SH3RF1: variants seen among roughly 807,000 people sequenced by gnomAD.
SH3RF1 encodes E3 ubiquitin-protein ligase SH3RF1.
Under a neutral mutation model 74.0 loss-of-function variants are expected in SH3RF1, and 32 were observed. The observed-to-expected ratio is 0.43, with a 90% CI of 0.33 to 0.58. The LOEUF (loss-of-function observed/expected upper bound fraction) is 0.58. Among genes scored for constraint, SH3RF1 ranks in the 20% least tolerant of loss-of-function variants. SH3RF1 has a pLI of 0.05. For synonymous variants in SH3RF1, 396 were observed against 439.6 expected (o/e 0.90, Z 1.24); for missense variants, 954 against 1,130.9 (o/e 0.84, Z 2.24).
intron 6 of SH3RF1, among the ~76,000 whole-genome samples, chr4:169,123,478 A>T (rs1479476335): frequency 1.9e-4 from 29 of 152,262 alleles, no homozygotes; most frequent in Admixed American, 1.8e-3. Flanking sequence ...GTGCAGAAAC[A>T]AATGAGGTGC....
At chr4:169,262,504 T>C (rs911136534) in intron 2 of SH3RF1, among the ~76,000 whole-genome samples, 3 of 151,976 alleles carry the variant, frequency 2.0e-5, no homozygotes, top group Admixed American at 6.6e-5. Context: ...CCACCTCTAC[T>C]AAAAGTACAA....
intron 2 of SH3RF1, among the ~76,000 whole-genome samples, chr4:169,168,040 TA>T (rs1734275186): frequency 6.6e-6 from 1 of 152,102 alleles, no homozygotes; most frequent in African/African-American, 2.4e-5. Flanking sequence ...CTCAGGAGGC[TA>T]AGGTAGAAGG....
chr4:169,200,694 T>C (rs141631211), intron 2 of SH3RF1, among the ~76,000 whole-genome samples: 1 of 152,328 alleles, frequency 6.6e-6, no homozygotes, highest in East Asian at 1.9e-4. Flanking sequence ...GTGCTCCCTT[T>C]ACCATTTAAA....
chr4:169,233,297 G>C (rs866659270), intron 2 of SH3RF1, among the ~76,000 whole-genome samples: 3 of 149,698 alleles, frequency 2.0e-5, no homozygotes, highest in African/African-American at 7.4e-5. Context: ...AGAACAGTTG[G>C]TAAATGGGAT....
intron 2 of SH3RF1, among the ~76,000 whole-genome samples, chr4:169,165,615 C>G (rs1172114378): frequency 1.4e-5 from 2 of 147,616 alleles, no homozygotes; most frequent in African/African-American, 5.3e-5. Flanking sequence ...CAGAGCAAGA[C>G]TCTGTCTCAG....
At position 169,212,534 on chromosome 4, in the gene SH3RF1, C is replaced by G. The variant is rs573648910; in HGVS notation, c.394-55855G>C. On this transcript the variant is annotated intron_variant, in intron 2 of 11. Coordinates refer to ENST00000284637, the MANE Select transcript of SH3RF1 (RefSeq NM_020870.4). ...TCATAATTTCCTTCCATTTTTTTCC[C>G]TTTTAAAAAGACTCTTTTACAGCAG... Among the ~76,000 whole-genome samples, 9 of 151,862 alleles carry G rather than the reference C, an allele frequency of 5.9e-5. No homozygotes were observed. The South Asian group carries it at 1.9e-3, about 32-fold the overall frequency.
chr4:169,153,643 G>C (rs1240867773), intron 4 of SH3RF1, among the ~76,000 whole-genome samples: 1 of 152,126 alleles, frequency 6.6e-6, no homozygotes, highest in African/African-American at 2.4e-5. Context: ...GCTAAACTAG[G>C]TGTCACTAAT....
chr4:169,170,095 A>G (rs753304738), intron 2 of SH3RF1, among the ~76,000 whole-genome samples: 3 of 152,168 alleles, frequency 2.0e-5, no homozygotes, highest in African/African-American at 4.8e-5. Context: ...CTTCCAATTC[A>G]AATATACTGA....
At chr4:169,143,681 C>G (rs1454813689) in intron 4 of SH3RF1, among the ~76,000 whole-genome samples, 1 of 152,106 alleles carries the variant, frequency 6.6e-6, no homozygotes, top group African/African-American at 2.4e-5. Context: ...GGGAGGAACA[C>G]GGACTCCTAA....
chr4:169,148,580 A>G (rs1047701705), intron 4 of SH3RF1, among the ~76,000 whole-genome samples: 3 of 152,240 alleles, frequency 2.0e-5, no homozygotes, highest in Non-Finnish European at 2.9e-5. Context: ...CATTAAAAAT[A>G]TCCTTTACAT....
chr4:169,213,778 T>C (rs1163750739), intron 2 of SH3RF1, among the ~76,000 whole-genome samples: 2 of 152,260 alleles, frequency 1.3e-5, no homozygotes, highest in Non-Finnish European at 2.9e-5. Flanking sequence ...CACTGTCTTT[T>C]CTCCATTCTA....
intron 2 of SH3RF1, among the ~76,000 whole-genome samples, chr4:169,253,233 T>C (rs1270041792): frequency 6.6e-6 from 1 of 152,264 alleles, no homozygotes; most frequent in South Asian, 2.1e-4. Flanking sequence ...CTTCCTAGCA[T>C]GTTGCTTCTC....
At chr4:169,227,067 G>C (rs1730662481) in intron 2 of SH3RF1, among the ~76,000 whole-genome samples, 1 of 152,052 alleles carries the variant, frequency 6.6e-6, no homozygotes, top group Admixed American at 6.6e-5. Flanking sequence ...TCGGGAGGCT[G>C]AGGCAGGAGG....
intron 2 of SH3RF1, among the ~76,000 whole-genome samples, chr4:169,173,964 G>A (rs950717501): frequency 1.3e-5 from 2 of 151,024 alleles, no homozygotes; most frequent in Admixed American, 1.3e-4. Flanking sequence ...TTAAGGATAC[G>A]GCTAATGCTA....
Position 169,096,357 on chromosome 4 carries a change from T to A in SH3RF1, c.*162A>T, listed in dbSNP as rs2706747. 1.2e-5 allele frequency: 8 copies of A among 686,710 alleles called. No homozygotes were observed. In the Admixed American group the frequency reaches 2.5e-4, roughly 21 times the overall value. 42.5% of individuals were successfully genotyped at this position (686,710 alleles called of 1,614,324 possible). ...AAAACCCACACAAACATCTTCTTCA[T>A]TCTGCTCGCTGGGGTAACTGTGCTG... On this transcript the variant is annotated 3_prime_UTR_variant, in exon 12 of 12. Transcript: ENST00000284637.
At chr4:169,138,978 G>A (rs1733741044) in intron 4 of SH3RF1, among the ~76,000 whole-genome samples, 1 of 152,108 alleles carries the variant, frequency 6.6e-6, no homozygotes, top group South Asian at 2.1e-4. Flanking sequence ...GGGGGGAAAG[G>A]TCTCACTCTG....
chr4:169,148,307 CCT>C (rs1465325351), intron 4 of SH3RF1, among the ~76,000 whole-genome samples: 1 of 152,050 alleles, frequency 6.6e-6, no homozygotes, highest in Non-Finnish European at 1.5e-5. Flanking sequence ...TCTGTGTCCC[CCT>C]GAGCAAGACA....
At chr4:169,185,474 A>T (rs1734586325) in intron 2 of SH3RF1, among the ~76,000 whole-genome samples, 1 of 152,220 alleles carries the variant, frequency 6.6e-6, no homozygotes, top group Admixed American at 6.5e-5. Context: ...AACATTACTC[A>T]CAGGGAGCAT....
intron 4 of SH3RF1, among the ~76,000 whole-genome samples, chr4:169,143,382 G>A (rs778531321): frequency 3.9e-5 from 6 of 152,140 alleles, no homozygotes; most frequent in Non-Finnish European, 7.4e-5. Flanking sequence ...CGAACGGAGT[G>A]CTTCCATCCC....
Sources: gnomAD v4.1 joint callset for allele counts (sites outside exome capture counted in the v4.1 genomes callset) on GRCh38, gnomAD v4.1.1 for gene constraint, MANE v1.5 for transcripts, NCBI Gene and HGNC (gene_info 2026-07-23, HGNC 2026-07-21) for gene names.